The following ZNF610 variants were observed in gnomAD, a reference collection of about 807,000 sequenced individuals.
ZNF610 encodes the protein zinc finger protein 610, also known as zink finger protein.
Under a neutral mutation model 14.1 loss-of-function variants are expected in ZNF610, and 14 were observed. The ratio of observed to expected loss-of-function variants is 0.99; its 90% CI spans 0.65 to 1.55. The LOEUF (loss-of-function observed/expected upper bound fraction) is 1.55, where lower values mean the gene tolerates loss of function less well. Among genes scored for constraint, ZNF610 ranks in the 40% most tolerant of loss-of-function variants. The pLI, the probability that ZNF610 is intolerant of heterozygous loss-of-function variation, is 0.00. For missense variants in ZNF610, 530 were observed against 558.0 expected, an observed-to-expected ratio of 0.95 and a Z score of 0.51; for synonymous variants, 185 against 187.6, an observed-to-expected ratio of 0.99 and a Z score of 0.11.
At chr19:52,358,339 A>C (rs1985627538) in intron 5 of ZNF610, among the ~76,000 whole-genome samples, 1 of 152,168 alleles carries the variant, frequency 6.6e-6, no homozygotes, top group Non-Finnish European at 1.5e-5. Context: ...ATGCGCCACC[A>C]TGCCCAGCTA....
chr19:52,349,302 G>A (rs184029741), intron 3 of ZNF610, 67 bp downstream of exon 3: 6 of 1,537,954 alleles, frequency 3.9e-6, no homozygotes, highest in East Asian at 2.2e-5. Context: ...CATCCTGCCT[G>A]ACACGTTTGC....
chr19:52,356,944 A>G (rs1458154273), intron 5 of ZNF610, among the ~76,000 whole-genome samples: 2 of 152,182 alleles, frequency 1.3e-5, no homozygotes, highest in Non-Finnish European at 2.9e-5. Flanking sequence ...ATAAGCAATC[A>G]GTTCTGCAGT....
chr19:52,334,047 A>C (rs1239741196), upstream of ZNF610, among the ~76,000 whole-genome samples: 1 of 152,252 alleles, frequency 6.6e-6, no homozygotes, highest in African/African-American at 2.4e-5. Flanking sequence ...ATTATGAATA[A>C]GTTGATGGTA....
chr19:52,334,438 G>A (rs1440675229), upstream of ZNF610, among the ~76,000 whole-genome samples: 3 of 114,832 alleles, frequency 2.6e-5, no homozygotes, highest in African/African-American at 1.0e-4. Context: ...GGTTGAACCC[G>A]GGAGTTGGAG....
At chr19:52,349,006 G>A in intron 2 of ZNF610, 148 bp from the exon 3 acceptor site, 1 of 613,860 alleles carries the variant, frequency 1.6e-6, no homozygotes. Flanking sequence ...CTTCCTGTAG[G>A]AATTTCTTGT....
intron 5 of ZNF610, among the ~76,000 whole-genome samples, chr19:52,359,444 C>T (rs1272379098): frequency 6.6e-6 from 1 of 152,142 alleles, no homozygotes; most frequent in African/African-American, 2.4e-5. Context: ...TGAATCTGCA[C>T]ATATGGATCC....
intron 5 of ZNF610, among the ~76,000 whole-genome samples, chr19:52,363,679 C>T (rs1005562812): frequency 3.9e-5 from 6 of 152,120 alleles, no homozygotes; most frequent in African/African-American, 1.4e-4. Flanking sequence ...AATATAGACA[C>T]CTCTGTGCTC....
chr19:52,343,320 G>A (rs1257095515), intron 1 of ZNF610, among the ~76,000 whole-genome samples: 1 of 152,138 alleles, frequency 6.6e-6, no homozygotes, highest in Non-Finnish European at 1.5e-5. Flanking sequence ...AGAATCGCTT[G>A]AACCCAGGGG....
intron 1 of ZNF610, among the ~76,000 whole-genome samples, chr19:52,343,576 T>C (rs931343904): frequency 6.7e-6 from 1 of 148,864 alleles, no homozygotes. Context: ...AAAAAAAAAA[T>C]GTATTTGCTC....
rs777283179 is a variant in ZNF610 at position 52,354,251 on chromosome 19, G to C, written c.191G>C (p.Gly64Ala). ...CTTGTTTCTTTCTTTTTATTAACAG[G>C]AATCTGTCTTCCTGACCTAAGTATT... ...LENYRNLVFLGICLPDLSIIS... is the reference protein window; with the variant it reads ...LENYRNLVFLAICLPDLSIIS... The change falls in exon 5 of 6, where the codon GGA becomes GCA. Residue 64 changes from glycine (G) to alanine (A), a missense_variant and splice_region_variant. By Grantham distance (60) the Gly-to-Ala change is moderately conservative (BLOSUM62 0). Coordinates refer to ENST00000403906, the MANE Select transcript of ZNF610 (RefSeq NM_001161425.2). The C allele has an allele frequency of 6.2e-7, 1 of 1,613,350 alleles. No individual in the cohort carries two copies. The highest frequency in any genetic ancestry group is 2.2e-5 in the East Asian group (1 of 44,870).
chr19:52,330,709 T>G, the ZNF610 span, among the ~76,000 whole-genome samples: 1 of 152,024 alleles, frequency 6.6e-6, no homozygotes, highest in Admixed American at 6.6e-5. Flanking sequence ...TCTCAGCAAA[T>G]TGTACACCTC....
rs397796837 is a variant in ZNF610, at chr19:52,367,122, T to TA, written c.*356dup. 1.3e-4 allele frequency: 27 copies of TA among 207,922 alleles called. No homozygotes were observed. The highest frequency in any genetic ancestry group is 1.8e-3 in the Middle Eastern group (1 of 550). The allele number at this position is 207,922 out of a possible 1,614,324, so 12.9% of individuals were successfully genotyped here. On this transcript the variant is annotated 3_prime_UTR_variant, in exon 6 of 6. Transcript: ENST00000403906. ...AGTAATAAAGTTTAAAGTTTTTTTT[T>TA]AGTTTTTTCTTTTTTTTTTGAGACG...
chr19:52,352,904 G>A (rs1985327421), intron 3 of ZNF610, among the ~76,000 whole-genome samples: 4 of 151,686 alleles, frequency 2.6e-5, no homozygotes. Flanking sequence ...ATTTCTTAAG[G>A]TATGTCCTGC....
chr19:52,358,734 A>G (rs1173000843), intron 5 of ZNF610, among the ~76,000 whole-genome samples: 3 of 152,318 alleles, frequency 2.0e-5, no homozygotes, highest in East Asian at 3.9e-4. Flanking sequence ...ATTGAATCCA[A>G]CGTTATGAAG....
chr19:52,339,072 C>T (rs564778896), intron 1 of ZNF610, among the ~76,000 whole-genome samples: 2 of 152,026 alleles, frequency 1.3e-5, no homozygotes, highest in Non-Finnish European at 2.9e-5. Flanking sequence ...AATAAGGAAA[C>T]GTGCTGTGCC....
intron 1 of ZNF610, among the ~76,000 whole-genome samples, chr19:52,338,932 C>T (rs959069137): frequency 3.9e-4 from 53 of 136,476 alleles, no homozygotes; most frequent in Admixed American, 1.0e-3. Context: ...CGCGCCGGCC[C>T]GGTCTCTGAG....
At chr19:52,353,327 G>T (rs768052744) in intron 3 of ZNF610, among the ~76,000 whole-genome samples, 8 of 152,138 alleles carry the variant, frequency 5.3e-5, no homozygotes, top group Non-Finnish European at 1.0e-4. Flanking sequence ...ACTCCATTGG[G>T]CTTTTGCTAA....
Position 52,366,566 on chromosome 19 carries a change from A to T in ZNF610, c.1188A>T (p.Gly396=), listed in dbSNP as rs1381883760. ...TGGCCCATCTTCTAATCCATACTGG[A>T]GAGAAACCTTACAAATGTAATGAAT... The part of the protein sequence containing the change: ...GLMAHLLIHT[G]EKPYKCNECD... The change falls in exon 6 of 6, where the codon GGA becomes GGT. Residue 396 remains glycine (G), a synonymous_variant. Coordinates refer to ENST00000403906, the MANE Select transcript of ZNF610 (RefSeq NM_001161425.2). The T allele has an allele frequency of 2.5e-6, 4 of 1,614,240 alleles. No individual in the cohort carries two copies. The highest frequency in any genetic ancestry group is 3.4e-6 in the Non-Finnish European group (4 of 1,180,046).
intron 3 of ZNF610, among the ~76,000 whole-genome samples, chr19:52,352,551 A>G (rs1329039890): frequency 1.3e-5 from 2 of 152,004 alleles, no homozygotes; most frequent in Non-Finnish European, 1.5e-5. Context: ...ACTTGCTTTC[A>G]ATATATTCGT....
Sources: gnomAD v4.1 joint callset for allele counts (sites outside exome capture counted in the v4.1 genomes callset) on GRCh38, gnomAD v4.1.1 for gene constraint, MANE v1.5 for transcripts, NCBI Gene and HGNC (gene_info 2026-07-23, HGNC 2026-07-21) for gene names.